The following HNF1B variants were observed in gnomAD, a reference collection of about 807,000 sequenced individuals.
HNF1B encodes hepatocyte nuclear factor 1-beta.
In HNF1B, 8 loss-of-function variants were observed where a neutral mutation model predicts 61.7. The observed-to-expected ratio is 0.13, with a 90% CI of 0.08 to 0.23. HNF1B has a LOEUF of 0.23. Ranked by LOEUF, HNF1B falls within the 10% of genes least tolerant of loss-of-function variation. The probability of loss-of-function intolerance (pLI) is 1.00; values close to 1 mark genes in which losing one functional copy is unlikely to be tolerated. For missense variants in HNF1B, 562 were observed against 714.5 expected (o/e 0.79, Z 2.43); for synonymous variants, 314 against 287.7 (o/e 1.09, Z -0.93).
rs2034132744 is a variant in HNF1B at position 37,744,974 on chromosome 17, C to T, written c.-90G>A. 8.8e-7 allele frequency: 1 copy of T among 1,133,116 alleles called. No individual in the cohort carries two copies. The allele number at this position is 1,133,116 out of a possible 1,614,324, so 70.2% of individuals were successfully genotyped here. A position where few individuals can be genotyped will look rare whatever the true frequency, so the allele number is the denominator to read the frequency against. On this transcript the variant is annotated 5_prime_UTR_variant, in exon 1 of 9. Transcript: ENST00000617811. Reference sequence around the variant, plus strand: ...GAGTTTCACAAGCAAACCCCAAATCCAGGAACCCCTCCACCCTTCAGCCTC... The same window carrying T: ...GAGTTTCACAAGCAAACCCCAAATCTAGGAACCCCTCCACCCTTCAGCCTC...
chr17:37,698,859 G>A (rs1774808226), intron 8 of HNF1B, among the ~76,000 whole-genome samples: 1 of 152,174 alleles, frequency 6.6e-6, no homozygotes, highest in Non-Finnish European at 1.5e-5. Flanking sequence ...TCCTTGTTTA[G>A]TGCTCTTCCT....
At chr17:37,690,377 G>A (rs1312417039) in intron 8 of HNF1B, among the ~76,000 whole-genome samples, 1 of 152,168 alleles carries the variant, frequency 6.6e-6, no homozygotes. Flanking sequence ...TTTTAGTTTG[G>A]TTGTGATGGA....
intron 2 of HNF1B, among the ~76,000 whole-genome samples, chr17:37,735,264 G>A (rs977951313): frequency 2.6e-5 from 4 of 152,116 alleles, no homozygotes; most frequent in Non-Finnish European, 4.4e-5. Flanking sequence ...ACTACTTAAC[G>A]TTTGAATCCC....
chr17:37,704,519 G>C (rs1456771839), intron 6 of HNF1B, among the ~76,000 whole-genome samples: 1 of 152,184 alleles, frequency 6.6e-6, no homozygotes, highest in Non-Finnish European at 1.5e-5. Flanking sequence ...CTTAGTGATA[G>C]GAATGAACTC....
intron 3 of HNF1B, among the ~76,000 whole-genome samples, chr17:37,732,680 T>TAA (rs3837868): frequency 4.0e-5 from 6 of 151,322 alleles, no homozygotes; most frequent in Non-Finnish European, 8.8e-5. Context: ...TCCAATCGTT[T>TAA]AAAAAAAAAT....
At chr17:37,720,377 C>T (rs1170198336) in intron 4 of HNF1B, among the ~76,000 whole-genome samples, 3 of 152,066 alleles carry the variant, frequency 2.0e-5, no homozygotes, top group Non-Finnish European at 4.4e-5. Flanking sequence ...ACTCATGATA[C>T]GTTCTTTGAA....
At position 37,744,924 on chromosome 17, in the gene HNF1B, G is replaced by T; in HGVS notation, c.-40C>A. On this transcript the variant is annotated 5_prime_UTR_variant, in exon 1 of 9. Transcript: ENST00000617811. ...AAAAGAAGGGGGTGAGGGGGTGGGT[G>T]GGTGCGAGAGAGGAGGGTGGAGGGG... 7.1e-7 allele frequency: 1 copy of T among 1,415,314 alleles called. No individual in the cohort carries two copies. Among genetic ancestry groups the T allele is most frequent in the Non-Finnish European group, 9.9e-7 (1 of 1,007,830 alleles). The allele number at this position is 1,415,314 out of a possible 1,614,324, so 87.7% of individuals were successfully genotyped here.
intron 7 of HNF1B, among the ~76,000 whole-genome samples, chr17:37,699,574 C>T (rs2032497246): frequency 6.6e-6 from 1 of 152,186 alleles, no homozygotes; most frequent in East Asian, 1.9e-4. Flanking sequence ...GGCGGCCAGG[C>T]CTGCTGGGCC....
intron 4 of HNF1B, among the ~76,000 whole-genome samples, chr17:37,726,300 T>A (rs1447869983): frequency 6.6e-6 from 1 of 152,198 alleles, no homozygotes; most frequent in African/African-American, 2.4e-5. Flanking sequence ...GGCACATGCC[T>A]TCCATTCTAA....
intron 5 of HNF1B, among the ~76,000 whole-genome samples, chr17:37,710,212 G>T (rs1329962376): frequency 6.6e-6 from 1 of 152,196 alleles, no homozygotes; most frequent in African/African-American, 2.4e-5. Flanking sequence ...TCATTGGCAA[G>T]CCCCAAAACA....
At chr17:37,740,019 G>A (rs2147577782) in intron 1 of HNF1B, among the ~76,000 whole-genome samples, 1 of 152,118 alleles carries the variant, frequency 6.6e-6, no homozygotes, top group East Asian at 1.9e-4. Context: ...CCAGGCTGGA[G>A]TGCAACGGCA....
intron 4 of HNF1B, among the ~76,000 whole-genome samples, chr17:37,714,593 A>G (rs2033043326): frequency 6.6e-6 from 1 of 152,220 alleles, no homozygotes; most frequent in South Asian, 2.1e-4. Context: ...AGCAAAAGCC[A>G]TCCAAGGTGG....
intron 6 of HNF1B, among the ~76,000 whole-genome samples, chr17:37,702,462 A>G (rs1465716500): frequency 6.6e-6 from 1 of 152,160 alleles, no homozygotes; most frequent in African/African-American, 2.4e-5. Context: ...CACTGTCTCC[A>G]GTTCCCCAGG....
At chr17:37,700,836 T>C (rs2032541496) in intron 7 of HNF1B, 147 bp downstream of exon 7, 1 of 756,380 alleles carries the variant, frequency 1.3e-6, no homozygotes, top group Non-Finnish European at 2.3e-6. Context: ...AGAGTTATGC[T>C]TGAGAAATTG....
In HNF1B at chr17:37,744,758, G is replaced by A. The variant is rs533489657; in HGVS notation, c.127C>T (p.Leu43=). The change falls in exon 1 of 9, where the codon CTG becomes TTG. Residue 43 remains leucine, a synonymous_variant. Coordinates refer to ENST00000617811, the MANE Select transcript of HNF1B (RefSeq NM_000458.4). Reference sequence around the variant, plus strand: ...CCAGGGGACAGGGGCAGCGTCTCCAGCTTCACCCCGAAGTTCGGGGATGGC... The same window carrying A: ...CCAGGGGACAGGGGCAGCGTCTCCAACTTCACCCCGAAGTTCGGGGATGGC... ...LLPSPNFGVK[L]ETLPLSPGSG... is the part of the protein sequence containing the mutation. 5 of 1,613,632 alleles carry A rather than the reference G, an allele frequency of 3.1e-6. No homozygotes were observed. In the African/African-American group the frequency reaches 5.3e-5, roughly 17 times the overall value.
intron 4 of HNF1B, among the ~76,000 whole-genome samples, chr17:37,717,749 T>C (rs2033171940): frequency 6.6e-6 from 1 of 152,228 alleles, no homozygotes; most frequent in Non-Finnish European, 1.5e-5. Context: ...TGGCTTGAAA[T>C]TGAGAACTCC....
At chr17:37,707,981 C>G (rs1290112226) in intron 5 of HNF1B, among the ~76,000 whole-genome samples, 1 of 152,134 alleles carries the variant, frequency 6.6e-6, no homozygotes, top group Non-Finnish European at 1.5e-5. Context: ...GATTGTCATT[C>G]CTAGAACAGG....
intron 6 of HNF1B, among the ~76,000 whole-genome samples, chr17:37,702,499 T>A (rs2032605989): frequency 6.6e-6 from 1 of 152,154 alleles, no homozygotes; most frequent in Admixed American, 6.5e-5. Context: ...CAAGCCAGCA[T>A]CTCACCAGAT....
At chr17:37,723,731 G>A (rs977799792) in intron 4 of HNF1B, among the ~76,000 whole-genome samples, 1 of 151,852 alleles carries the variant, frequency 6.6e-6, no homozygotes, top group Non-Finnish European at 1.5e-5. Flanking sequence ...AGGAAAGAGG[G>A]AAAAAACTAA....
Sources: allele counts gnomAD v4.1 joint callset (sites outside exome capture counted in the v4.1 genomes callset), GRCh38; gene constraint gnomAD v4.1.1; transcripts MANE v1.5; gene names NCBI Gene and HGNC (gene_info 2026-07-23, HGNC 2026-07-21).